The following PHKB variants were observed in gnomAD, a reference collection of about 807,000 sequenced individuals.
PHKB encodes phosphorylase b kinase regulatory subunit beta.
PHKB carries 122 observed loss-of-function variants against 152.1 expected under a neutral mutation model. That is an observed-to-expected ratio of 0.80 (90% CI 0.69 to 0.93). The LOEUF (loss-of-function observed/expected upper bound fraction) is 0.93. PHKB is among the 40% of genes least tolerant of loss of function. The pLI, the probability that PHKB is intolerant of heterozygous loss-of-function variation, is 0.00. For missense variants in PHKB, 1,304 were observed against 1,328.4 expected, an observed-to-expected ratio of 0.98 and a Z score of 0.29; for synonymous variants, 436 against 464.9, an observed-to-expected ratio of 0.94 and a Z score of 0.80.
chr16:47,636,650 C>T (rs998980527), intron 14 of PHKB, among the ~76,000 whole-genome samples: 1 of 152,262 alleles, frequency 6.6e-6, no homozygotes, highest in Non-Finnish European at 1.5e-5. Context: ...GACATGCCAT[C>T]CCCCTGCTGC....
At chr16:47,538,594 G>T (rs1970996376) in intron 6 of PHKB, among the ~76,000 whole-genome samples, 1 of 152,372 alleles carries the variant, frequency 6.6e-6, no homozygotes, top group East Asian at 1.9e-4. Context: ...TGTTGGGGAG[G>T]AGAATGTAAA....
At chr16:47,468,932 G>A (rs1156906860) in intron 1 of PHKB, among the ~76,000 whole-genome samples, 1 of 152,116 alleles carries the variant, frequency 6.6e-6, no homozygotes, top group Non-Finnish European at 1.5e-5. Context: ...TTGAGTTTTA[G>A]GTTCTTATCT....
At chr16:47,609,918 A>G (rs1972395636) in intron 13 of PHKB, among the ~76,000 whole-genome samples, 1 of 150,700 alleles carries the variant, frequency 6.6e-6, no homozygotes, top group South Asian at 2.1e-4. Flanking sequence ...ATTAATTTCC[A>G]CTCTAATCTT....
At chr16:47,691,796 T>C (rs1227913817) in intron 27 of PHKB, among the ~76,000 whole-genome samples, 1 of 152,206 alleles carries the variant, frequency 6.6e-6, no homozygotes, top group Non-Finnish European at 1.5e-5. Context: ...TCTGAAATTT[T>C]TCAAAATGAA....
At chr16:47,557,541 AAAAC>A (rs1346782268) in intron 7 of PHKB, among the ~76,000 whole-genome samples, 2 of 152,164 alleles carry the variant, frequency 1.3e-5, no homozygotes, top group African/African-American at 4.8e-5. Flanking sequence ...TGACAAGAAA[AAAAC>A]AAACAACCCC....
intron 25 of PHKB, chr16:47,666,120 A>G (rs1038745711): frequency 1.3e-5 from 11 of 863,454 alleles, no homozygotes; most frequent in African/African-American, 4.9e-5. Flanking sequence ...GCAAACCTCA[A>G]TGTCATAGGC....
At chr16:47,630,179 AAAAG>A (rs1359529079) in intron 14 of PHKB, among the ~76,000 whole-genome samples, 2 of 152,230 alleles carry the variant, frequency 1.3e-5, no homozygotes, top group African/African-American at 4.8e-5. Context: ...TATATAAAAA[AAAAG>A]AACTAAAGAA....
intron 25 of PHKB, chr16:47,665,878 G>A (rs1308726159): frequency 1.8e-6 from 2 of 1,089,028 alleles, no homozygotes; most frequent in Non-Finnish European, 2.9e-6. Context: ...CCCAATCAGG[G>A]CCCCATGCAT....
chr16:47,654,904 TAACA>T (rs747147071), intron 20 of PHKB, among the ~76,000 whole-genome samples: 6 of 151,762 alleles, frequency 4.0e-5, no homozygotes, highest in Non-Finnish European at 8.8e-5. Flanking sequence ...TATACATATG[TAACA>T]AACCTGCATG....
chr16:47,521,592 T>C (rs1597052228), intron 6 of PHKB, among the ~76,000 whole-genome samples: 1 of 151,404 alleles, frequency 6.6e-6, no homozygotes, highest in Non-Finnish European at 1.5e-5. Flanking sequence ...GAGGCGGAGG[T>C]TGTGGTAAGC....
intron 7 of PHKB, among the ~76,000 whole-genome samples, chr16:47,556,173 G>C (rs1299049733): frequency 6.6e-6 from 1 of 152,182 alleles, no homozygotes; most frequent in Non-Finnish European, 1.5e-5. Context: ...TTTGGGCTGA[G>C]ACAATGGAGT....
At chr16:47,467,407 GTAACTC>G (rs1227853930) in intron 1 of PHKB, among the ~76,000 whole-genome samples, 1 of 152,114 alleles carries the variant, frequency 6.6e-6, no homozygotes, top group Non-Finnish European at 1.5e-5. Context: ...AGTAATCACT[GTAACTC>G]TAAAGAAATT....
rs577912587 is a variant in PHKB, at chr16:47,465,408, A to T, written c.76+3982A>T. Among the ~76,000 whole-genome samples, 130 of 152,380 alleles carry T rather than the reference A, an allele frequency of 8.5e-4. 1 individual carries two copies. Among genetic ancestry groups the T allele is most frequent in the African/African-American group, 3.0e-3 (124 of 41,608 alleles). On this transcript the variant is annotated intron_variant, in intron 1 of 30. Coordinates refer to ENST00000323584, the MANE Select transcript of PHKB (RefSeq NM_000293.3). ...GTCCTGAAAATTTCTAAACCCAAGA[A>T]CTGTGCTTTAACATTACATAGAGTG...
chr16:47,557,940 T>C (rs890498810), intron 7 of PHKB, among the ~76,000 whole-genome samples: 4 of 152,108 alleles, frequency 2.6e-5, no homozygotes, highest in African/African-American at 9.7e-5. Context: ...CACACATATG[T>C]TTATTGCGGT....
At position 47,478,690 on chromosome 16, in the gene PHKB, T is replaced by C. The variant is rs146618432; in HGVS notation, c.76+17264T>C. 5.7e-3 allele frequency among the ~76,000 whole-genome samples: 874 copies of C among 152,244 alleles called. 7 individuals are homozygous for C. Among genetic ancestry groups the C allele is most frequent in the African/African-American group, 0.02 (832 of 41,538 alleles). ...ATGTAAATAGCTCTCAACAGTACTT[T>C]GCGTGTGGTAAATGCTCTGATATTG... On this transcript the variant is annotated intron_variant, in intron 1 of 30. Transcript: ENST00000323584.
intron 6 of PHKB, among the ~76,000 whole-genome samples, chr16:47,545,084 C>T (rs1024749237): frequency 2.0e-5 from 3 of 152,120 alleles, no homozygotes; most frequent in Non-Finnish European, 2.9e-5. Context: ...GGGCATTTAG[C>T]CCATTTACAT....
intron 26 of PHKB, among the ~76,000 whole-genome samples, chr16:47,685,789 T>G (rs1973954523): frequency 6.6e-6 from 1 of 151,442 alleles, no homozygotes; most frequent in South Asian, 2.1e-4. Flanking sequence ...TTGCCCAGGC[T>G]GGAGTGCAGT....
intron 7 of PHKB, among the ~76,000 whole-genome samples, chr16:47,573,266 G>A (rs1380278431): frequency 6.6e-6 from 1 of 152,154 alleles, no homozygotes; most frequent in Non-Finnish European, 1.5e-5. Context: ...CCAGGCAATG[G>A]GCAGGGTCAT....
chr16:47,629,599 T>G (rs1474569573), intron 14 of PHKB, among the ~76,000 whole-genome samples: 1 of 150,032 alleles, frequency 6.7e-6, no homozygotes, highest in Admixed American at 6.6e-5. Flanking sequence ...GTTCAACCAT[T>G]GTGGAAGTCA....
Sources: gnomAD v4.1 joint callset for allele counts (sites outside exome capture counted in the v4.1 genomes callset) on GRCh38, gnomAD v4.1.1 for gene constraint, MANE v1.5 for transcripts, NCBI Gene and HGNC (gene_info 2026-07-23, HGNC 2026-07-21) for gene names.